Variants in PACS1 observed in about 807,000 individuals in gnomAD.
The protein encoded by PACS1 is PACS-1.
A neutral mutation model predicts 115.0 loss-of-function variants in PACS1; 24 were observed. The observed-to-expected ratio is 0.21, with a 90% CI of 0.15 to 0.29. The LOEUF (loss-of-function observed/expected upper bound fraction) is 0.29, where lower values mean the gene tolerates loss of function less well. Among genes scored for constraint, PACS1 ranks in the 10% least tolerant of loss-of-function variants. The pLI, the probability that PACS1 is intolerant of heterozygous loss-of-function variation, is 1.00. For synonymous variants in PACS1, 453 were observed against 504.5 expected (o/e 0.90, Z 1.37); for missense variants, 838 against 1,251.2 (o/e 0.67, Z 4.98).
intron 1 of PACS1, among the ~76,000 whole-genome samples, chr11:66,111,730 A>C (rs1218903905): frequency 6.6e-6 from 1 of 151,900 alleles, no homozygotes; most frequent in Admixed American, 6.6e-5. Context: ...GCTCACTGCA[A>C]CCTCCACCTC....
At chr11:66,224,304 G>GTT (rs1554991816) in intron 10 of PACS1, among the ~76,000 whole-genome samples, 1 of 151,824 alleles carries the variant, frequency 6.6e-6, no homozygotes, top group Non-Finnish European at 1.5e-5. Flanking sequence ...GAGCTTCTGA[G>GTT]TTTGAGTCTT....
At chr11:66,162,112 G>GTTTTTTTT (rs58980906) in intron 1 of PACS1, among the ~76,000 whole-genome samples, 1 of 56,366 alleles carries the variant, frequency 1.8e-5, no homozygotes, top group Non-Finnish European at 3.2e-5. Flanking sequence ...GGTGGTGGTG[G>GTTTTTTTT]TTTTTTTTTT....
At position 66,187,886 on chromosome 11, in the gene PACS1, C is replaced by T. The variant is rs11821757; in HGVS notation, c.357-5600C>T. On this transcript the variant is annotated intron_variant, in intron 1 of 23. Coordinates refer to ENST00000320580, the MANE Select transcript of PACS1 (RefSeq NM_018026.4). ...GTAGTTTTTTGAAGGAACCTCCATGCTGTTCTCCATAGTGGCTGCACTAGT... is the reference window on the plus strand; with the variant it reads ...GTAGTTTTTTGAAGGAACCTCCATGTTGTTCTCCATAGTGGCTGCACTAGT... Among the ~76,000 whole-genome samples, 1,107 of 152,308 alleles carry T rather than the reference C, an allele frequency of 7.3e-3. 11 individuals are homozygous for T. Among genetic ancestry groups the T allele is most frequent in the African/African-American group, 0.025 (1,026 of 41,570 alleles).
chr11:66,192,259 C>T (rs371426350), intron 1 of PACS1, among the ~76,000 whole-genome samples: 7 of 152,168 alleles, frequency 4.6e-5, no homozygotes, highest in African/African-American at 7.2e-5. Flanking sequence ...GGGGAGAGAG[C>T]GGTGGAGAGG....
chr11:66,239,238 C>G lies in PACS1; in HGVS notation c.2390C>G (p.Pro797Arg). Residue 797 changes from proline to arginine, a missense_variant, in exon 21 of 24, where the codon CCC (proline) becomes CGC (arginine). Transcript: ENST00000320580. ...AGCCGAGACGCCACGGCCACCCCTC[C>G]CTCCTCCCCATCTATGAGCAGCGCC... is the stretch of plus-strand genomic sequence containing the variant. The part of the protein sequence containing the change: ...GLSRDATATP[P>R]SSPSMSSALA... The G allele has an allele frequency of 6.2e-7, 1 of 1,613,796 alleles. No individual in the cohort carries two copies. Among genetic ancestry groups the G allele is most frequent in the Non-Finnish European group, 8.5e-7 (1 of 1,179,994 alleles).
intron 11 of PACS1, among the ~76,000 whole-genome samples, chr11:66,229,397 T>G (rs1434454833): frequency 6.9e-6 from 1 of 144,140 alleles, no homozygotes; most frequent in Non-Finnish European, 1.5e-5. Flanking sequence ...TAAAAAAAAT[T>G]TAAAAGGATG....
intron 1 of PACS1, among the ~76,000 whole-genome samples, chr11:66,097,620 A>G (rs531297076): frequency 1.9e-4 from 29 of 152,356 alleles, no homozygotes; most frequent in African/African-American, 6.7e-4. Context: ...GTGAGATAAT[A>G]AACATGCATT....
chr11:66,193,418 C>A (rs1854574033), intron 1 of PACS1, 68 bp from the exon 2 acceptor site: 1 of 1,089,726 alleles, frequency 9.2e-7, no homozygotes, highest in Non-Finnish European at 1.4e-6. Flanking sequence ...GATTGCCTAA[C>A]CAATTGTTCA....
At chr11:66,149,276 G>A (rs1423672652) in intron 1 of PACS1, among the ~76,000 whole-genome samples, 3 of 151,760 alleles carry the variant, frequency 2.0e-5, no homozygotes, top group African/African-American at 7.3e-5. Flanking sequence ...ATTTTTAGTA[G>A]AGACAGGTTT....
intron 1 of PACS1, among the ~76,000 whole-genome samples, chr11:66,188,650 G>C (rs747533551): frequency 1.3e-5 from 2 of 152,082 alleles, no homozygotes; most frequent in Non-Finnish European, 2.9e-5. Context: ...CATGAGAAGC[G>C]CCCACCAGTG....
rs528155162 is a variant in PACS1, at chr11:66,220,464, C to T, written c.1039-167C>T. On this transcript the variant is annotated intron_variant, in intron 8 of 23. Coordinates refer to ENST00000320580, the MANE Select transcript of PACS1 (RefSeq NM_018026.4). ...AAGGTGGCCTCACCATGTCCCCGCC[C>T]TCAGGCTGGATCATGGAAATGACGT... 349 of 653,114 alleles carry T rather than the reference C, an allele frequency of 5.3e-4. 1 individual carries two copies. The Admixed American group carries it at 6.2e-3, about 12-fold the overall frequency. The allele number at this position is 653,114 out of a possible 1,614,324, so 40.5% of individuals were successfully genotyped here.
intron 2 of PACS1, among the ~76,000 whole-genome samples, chr11:66,199,880 G>A (rs904054266): frequency 3.9e-5 from 6 of 151,976 alleles, no homozygotes; most frequent in African/African-American, 1.5e-4. Flanking sequence ...TTAGCTGGGT[G>A]TAGTGGCGTA....
chr11:66,183,068 C>T (rs1343317000), intron 1 of PACS1, among the ~76,000 whole-genome samples: 2 of 151,934 alleles, frequency 1.3e-5, no homozygotes, highest in African/African-American at 2.4e-5. Context: ...AGATGGAGGC[C>T]GCAGTGAGCT....
At chr11:66,182,967 TAAAAATAC>T (rs1433802899) in intron 1 of PACS1, among the ~76,000 whole-genome samples, 2 of 152,000 alleles carry the variant, frequency 1.3e-5, no homozygotes, top group African/African-American at 4.8e-5. Context: ...TCGTCTCTAC[TAAAAATAC>T]AAAAATTATC....
chr11:66,081,643 G>C (rs1248907850), intron 1 of PACS1, among the ~76,000 whole-genome samples: 1 of 152,110 alleles, frequency 6.6e-6, no homozygotes, highest in Admixed American at 6.5e-5. Flanking sequence ...TCTACATCCT[G>C]CCAGCTTATA....
At position 66,082,454 on chromosome 11, in the gene PACS1, C is replaced by T. The variant is rs77910712; in HGVS notation, c.356+11612C>T. On this transcript the variant is annotated intron_variant, in intron 1 of 23. Transcript: ENST00000320580. ...TCAAGTGATCCTCTCACCTCAGCTT[C>T]GCAAAGTATTGGGATTACAGGTGTG... is the stretch of plus-strand genomic sequence containing the variant. 9.0e-3 allele frequency among the ~76,000 whole-genome samples: 1,368 copies of T among 152,114 alleles called. 11 individuals are homozygous for T. The highest frequency in any genetic ancestry group is 0.012 in the Non-Finnish European group (849 of 67,998).
chr11:66,120,603 G>A (rs1489150646), intron 1 of PACS1, among the ~76,000 whole-genome samples: 1 of 152,268 alleles, frequency 6.6e-6, no homozygotes, highest in South Asian at 2.1e-4. Flanking sequence ...AAGGGCATAC[G>A]CTTTGGAGCC....
intron 4 of PACS1, among the ~76,000 whole-genome samples, chr11:66,211,658 T>C (rs1180795663): frequency 6.6e-6 from 1 of 152,186 alleles, no homozygotes; most frequent in Non-Finnish European, 1.5e-5. Context: ...GCTGGCACGA[T>C]GCCCCATTAC....
chr11:66,168,121 T>C (rs1205677719), intron 1 of PACS1, among the ~76,000 whole-genome samples: 1 of 150,314 alleles, frequency 6.7e-6, no homozygotes, highest in Non-Finnish European at 1.5e-5. Flanking sequence ...CAGGCTGATC[T>C]TGAACTCTGG....
Sources: allele counts gnomAD v4.1 joint callset (sites outside exome capture counted in the v4.1 genomes callset), GRCh38; gene constraint gnomAD v4.1.1; transcripts MANE v1.5; gene names NCBI Gene and HGNC (gene_info 2026-07-23, HGNC 2026-07-21).